RNGTT: variants seen among roughly 807,000 people sequenced by gnomAD.
The protein encoded by RNGTT is RNA guanylyltransferase and 5'-phosphatase, also known as mRNA-capping enzyme.
A neutral mutation model predicts 79.3 loss-of-function variants in RNGTT; 33 were observed. The observed-to-expected ratio is 0.42, with a 90% confidence interval of 0.32 to 0.56. RNGTT has a LOEUF of 0.56. Ranked by LOEUF, RNGTT falls within the 20% of genes least tolerant of loss-of-function variation. The pLI is 0.17. For synonymous variants in RNGTT, 222 were observed against 235.9 expected, an observed-to-expected ratio of 0.94 and a Z score of 0.54; for missense variants, 497 against 739.1, an observed-to-expected ratio of 0.67 and a Z score of 3.80.
chr6:88,812,743 G>A (rs1202759583), intron 11 of RNGTT, among the ~76,000 whole-genome samples: 1 of 152,168 alleles, frequency 6.6e-6, no homozygotes, highest in African/African-American at 2.4e-5. Context: ...CATATCATAT[G>A]AGATTACACT....
intron 11 of RNGTT, among the ~76,000 whole-genome samples, chr6:88,815,113 G>A (rs1435484567): frequency 1.3e-5 from 2 of 152,120 alleles, no homozygotes; most frequent in African/African-American, 4.8e-5. Context: ...AAAGAAACTA[G>A]AAACTAAATG....
rs1014822152 is a variant in RNGTT, at chr6:88,684,375, T to C, written c.1440-5956A>G. Among the ~76,000 whole-genome samples, 49 of 152,174 alleles carry C rather than the reference T, an allele frequency of 3.2e-4. 1 individual carries two copies. The highest frequency in any genetic ancestry group is 1.6e-4 in the Non-Finnish European group (11 of 68,034). On this transcript the variant is annotated intron_variant, in intron 13 of 15. Coordinates refer to ENST00000369485, the MANE Select transcript of RNGTT (RefSeq NM_003800.5). ...TTACCACATGACCCAATAATCATCT[T>C]CCTTGGTATTTACTCAAATAAATAG...
At chr6:88,800,601 C>T (rs572901735) in intron 12 of RNGTT, among the ~76,000 whole-genome samples, 1 of 152,332 alleles carries the variant, frequency 6.6e-6, no homozygotes, top group South Asian at 2.1e-4. Flanking sequence ...AAGTAGCTCT[C>T]ATACTTGAAC....
chr6:88,650,679 A>G lies in RNGTT; in HGVS notation c.1506+27674T>C, dbSNP rs184778274. 1.9e-3 allele frequency among the ~76,000 whole-genome samples: 288 copies of G among 152,314 alleles called. 4 individuals carry two copies. The highest frequency in any genetic ancestry group is 6.8e-3 in the African/African-American group (282 of 41,578). ...GGCACTCAAAATGCATAGGTGATTT[A>G]TTTACATAAGTGATCTCCTACCAGC... On this transcript the variant is annotated intron_variant, in intron 14 of 15. Transcript: ENST00000369485.
intron 4 of RNGTT, among the ~76,000 whole-genome samples, chr6:88,907,226 T>G (rs1783681815): frequency 6.6e-6 from 1 of 152,214 alleles, no homozygotes; most frequent in South Asian, 2.1e-4. Context: ...CGTCCAAATC[T>G]CATCTCAATT....
chr6:88,703,407 A>G (rs914183373), intron 13 of RNGTT, among the ~76,000 whole-genome samples: 1 of 152,232 alleles, frequency 6.6e-6, no homozygotes, highest in African/African-American at 2.4e-5. Flanking sequence ...AGCAATATGG[A>G]TATAGCTGGA....
Position 88,911,435 on chromosome 6 carries a change from C to T in RNGTT, c.368-4995G>A, listed in dbSNP as rs933194790. ...CAATTCAACAAGAAGACTTAACTAT[C>T]CTAAATGTATATACACCCAATATTG... On this transcript the variant is annotated intron_variant, in intron 4 of 15. Coordinates refer to ENST00000369485, the MANE Select transcript of RNGTT (RefSeq NM_003800.5). 7.2e-5 allele frequency among the ~76,000 whole-genome samples: 11 copies of T among 152,122 alleles called. No homozygotes were observed. The East Asian group carries it at 7.7e-4, about 11-fold the overall frequency.
chr6:88,928,717 T>C (rs1269977180), intron 4 of RNGTT, among the ~76,000 whole-genome samples: 2 of 152,122 alleles, frequency 1.3e-5, no homozygotes, highest in African/African-American at 4.8e-5. Flanking sequence ...AATGTAGAAG[T>C]ATAAAAAATA....
At chr6:88,784,836 C>T (rs899493344) in intron 12 of RNGTT, among the ~76,000 whole-genome samples, 2 of 151,912 alleles carry the variant, frequency 1.3e-5, no homozygotes, top group Admixed American at 6.6e-5. Flanking sequence ...AAAATATACC[C>T]GGACAAATTC....
At chr6:88,960,894 A>G (rs1785593616) in intron 1 of RNGTT, among the ~76,000 whole-genome samples, 1 of 152,200 alleles carries the variant, frequency 6.6e-6, no homozygotes, top group Non-Finnish European at 1.5e-5. Flanking sequence ...CAGCCATAAC[A>G]TTTTCCTCAA....
intron 13 of RNGTT, among the ~76,000 whole-genome samples, chr6:88,723,509 CCTTT>C (rs1776776037): frequency 6.6e-6 from 1 of 151,968 alleles, no homozygotes; most frequent in African/African-American, 2.4e-5. Flanking sequence ...AATAAATCTA[CCTTT>C]CTTTACCTAC....
chr6:88,860,342 G>C (rs983368223), intron 8 of RNGTT, among the ~76,000 whole-genome samples: 5 of 152,162 alleles, frequency 3.3e-5, no homozygotes, highest in Non-Finnish European at 5.9e-5. Context: ...AGAAACGATG[G>C]ACACCATGAG....
chr6:88,886,462 T>G (rs942891384), intron 8 of RNGTT, among the ~76,000 whole-genome samples: 8 of 152,228 alleles, frequency 5.3e-5, no homozygotes, highest in Admixed American at 2.0e-4. Flanking sequence ...GTTAATGTCT[T>G]GATTTTGGCC....
intron 8 of RNGTT, among the ~76,000 whole-genome samples, chr6:88,854,149 C>T (rs538218875): frequency 6.6e-6 from 1 of 151,912 alleles, no homozygotes; most frequent in African/African-American, 2.4e-5. Flanking sequence ...ATGTTGGTCG[C>T]GAACTCCTGG....
At chr6:88,845,993 T>C (rs900428074) in intron 10 of RNGTT, among the ~76,000 whole-genome samples, 1 of 150,746 alleles carries the variant, frequency 6.6e-6, no homozygotes, top group Non-Finnish European at 1.5e-5. Context: ...AGCCCTCTTT[T>C]ATGTTCTAAA....
intron 11 of RNGTT, among the ~76,000 whole-genome samples, chr6:88,835,975 A>AACACACACACACACACACAC (rs72228554): frequency 1.9e-4 from 22 of 113,764 alleles, no homozygotes; most frequent in Admixed American, 5.9e-4. Flanking sequence ...CTCTATTAAA[A>AACACACACACACACACACAC]ACACACACAC....
rs968475153 is a variant in RNGTT, at chr6:88,930,055, C to G, written c.175-788G>C. Among the ~76,000 whole-genome samples the G allele has an allele frequency of 2.0e-5, 3 of 147,030 alleles. No individual in the cohort carries two copies. In the Admixed American group the frequency reaches 2.0e-4, roughly 10 times the overall value. On this transcript the variant is annotated intron_variant, in intron 2 of 15. Coordinates refer to ENST00000369485, the MANE Select transcript of RNGTT (RefSeq NM_003800.5). ...GCATATATATGCATATATACATATA[C>G]ATGTATATGCATATGTATACATATA... is the stretch of plus-strand genomic sequence containing the variant.
chr6:88,654,682 C>T (rs1261284937), intron 14 of RNGTT, among the ~76,000 whole-genome samples: 1 of 152,140 alleles, frequency 6.6e-6, no homozygotes, highest in Admixed American at 6.5e-5. Context: ...GACAGGTAAG[C>T]CTCCTCCCTA....
chr6:88,695,006 T>C (rs1023632644), intron 13 of RNGTT, among the ~76,000 whole-genome samples: 2 of 152,124 alleles, frequency 1.3e-5, no homozygotes, highest in African/African-American at 2.4e-5. Flanking sequence ...TATTTTGTTA[T>C]AGCGCACAAA....
Sources: allele counts gnomAD v4.1 joint callset (sites outside exome capture counted in the v4.1 genomes callset), GRCh38; gene constraint gnomAD v4.1.1; transcripts MANE v1.5; gene names NCBI Gene and HGNC (gene_info 2026-07-23, HGNC 2026-07-21).